Variants in GPC4 observed in about 807,000 individuals in gnomAD.
GPC4 encodes glypican 4.
In GPC4, 10 loss-of-function variants were observed where a neutral mutation model predicts 35.0. The ratio of observed to expected loss-of-function variants is 0.29; its 90% CI spans 0.18 to 0.48. GPC4 has a LOEUF of 0.48. Ranked by LOEUF, GPC4 falls within the 20% of genes least tolerant of loss-of-function variation. The pLI, the probability that GPC4 is intolerant of heterozygous loss-of-function variation, is 0.99. For synonymous variants in GPC4, 167 were observed against 170.2 expected, an observed-to-expected ratio of 0.98 and a Z score of 0.15; for missense variants, 322 against 451.3, an observed-to-expected ratio of 0.71 and a Z score of 2.60.
intron 1 of GPC4, among the ~76,000 whole-genome samples, chrX:133,398,752 A>G (rs2068755655): frequency 9.3e-6 from 1 of 107,247 alleles, no homozygotes; most frequent in Non-Finnish European, 1.9e-5. Flanking sequence ...TGGGTGACAG[A>G]CTGAGACTCT....
intron 3 of GPC4, among the ~76,000 whole-genome samples, chrX:133,315,872 G>A (rs1376333909): frequency 1.8e-5 from 2 of 111,229 alleles, no homozygotes; most frequent in Non-Finnish European, 3.8e-5. Flanking sequence ...AAGAGCAGGG[G>A]TAGGAGTTAT....
chrX:133,354,564 A>ATTT lies in GPC4; in HGVS notation c.161-15226_161-15224dup, dbSNP rs1320451355. ...GTTTTATTTATTTATTTATTTATTT[A>ATTT]TTTATTTTTTTTTTTGAGACGGAGT... On this transcript the variant is annotated intron_variant, in intron 1 of 8. Coordinates refer to ENST00000370828, the MANE Select transcript of GPC4 (RefSeq NM_001448.3). Among the ~76,000 whole-genome samples the ATTT allele has an allele frequency of 1.3e-3, 123 of 94,465 alleles. 6 individuals are homozygous for ATTT. The highest frequency in any genetic ancestry group is 5.2e-3 in the Middle Eastern group (1 of 193). The allele number at this position is 94,465 out of a possible 115,157, so 82.0% of individuals were successfully genotyped here.
chrX:133,357,766 C>T (rs2068548715), intron 1 of GPC4, among the ~76,000 whole-genome samples: 1 of 111,213 alleles, frequency 9.0e-6, no homozygotes, highest in Non-Finnish European at 1.9e-5. Flanking sequence ...AAAAGGAGGA[C>T]AAGAGCAGAA....
intron 1 of GPC4, among the ~76,000 whole-genome samples, chrX:133,403,559 T>C (rs2068774830): frequency 1.8e-5 from 2 of 111,424 alleles, no homozygotes; most frequent in African/African-American, 6.5e-5. Flanking sequence ...CAGATATGAA[T>C]AAAAATATCT....
intron 1 of GPC4, among the ~76,000 whole-genome samples, chrX:133,413,259 C>G (rs1046958194): frequency 8.9e-6 from 1 of 112,025 alleles, no homozygotes; most frequent in Non-Finnish European, 1.9e-5. Flanking sequence ...GAAGGGCAAA[C>G]AGTGTCTAAT....
intron 1 of GPC4, among the ~76,000 whole-genome samples, chrX:133,368,161 T>C (rs370904073): frequency 1.1e-3 from 119 of 112,420 alleles, no homozygotes; most frequent in African/African-American, 3.6e-3. Context: ...CTGAGATTCT[T>C]TTGAATAAAA....
intron 1 of GPC4, among the ~76,000 whole-genome samples, chrX:133,367,660 G>C (rs964860550): frequency 1.3e-4 from 15 of 111,320 alleles, no homozygotes; most frequent in African/African-American, 3.9e-4. Flanking sequence ...TTGAGCCCGG[G>C]AGTTTGAGAC....
At chrX:133,326,065 T>G (rs1191937667) in intron 2 of GPC4, among the ~76,000 whole-genome samples, 1 of 109,661 alleles carries the variant, frequency 9.1e-6, no homozygotes, top group African/African-American at 3.3e-5. Context: ...TTTTATCTAG[T>G]TCTTTTCCCT....
chrX:133,394,792 C>G (rs1414268736), intron 1 of GPC4, among the ~76,000 whole-genome samples: 1 of 111,593 alleles, frequency 9.0e-6, no homozygotes, highest in Non-Finnish European at 1.9e-5. Flanking sequence ...AAGACAACAC[C>G]ATGGACCTAA....
At chrX:133,312,983 T>C (rs775879482) in intron 3 of GPC4, among the ~76,000 whole-genome samples, 5 of 111,770 alleles carry the variant, frequency 4.5e-5, no homozygotes, top group Non-Finnish European at 9.4e-5. Context: ...AGTTCCTGTC[T>C]CCTCTTTCTC....
At chrX:133,343,581 T>C (rs1200459979) in intron 1 of GPC4, among the ~76,000 whole-genome samples, 3 of 111,855 alleles carry the variant, frequency 2.7e-5, no homozygotes, top group African/African-American at 9.8e-5. Context: ...ACATGGCCCT[T>C]GATTAGTTTT....
At chrX:133,365,489 T>C (rs914716176) in intron 1 of GPC4, among the ~76,000 whole-genome samples, 13 of 111,673 alleles carry the variant, frequency 1.2e-4, no homozygotes, top group African/African-American at 3.3e-4. Context: ...TCCATTTCCA[T>C]TGCAGTTATG....
At chrX:133,350,152 G>A (rs1256983218) in intron 1 of GPC4, among the ~76,000 whole-genome samples, 1 of 110,969 alleles carries the variant, frequency 9.0e-6, no homozygotes, top group East Asian at 2.8e-4. Flanking sequence ...TTCTCCAAAA[G>A]ATATTTCTCC....
chrX:133,396,098 A>T (rs900371411), intron 1 of GPC4, among the ~76,000 whole-genome samples: 18 of 111,960 alleles, frequency 1.6e-4, no homozygotes, highest in African/African-American at 4.5e-4. Context: ...CTTAATGATC[A>T]AAATTTTCCT....
At chrX:133,306,994 G>C (rs1233782397) in intron 4 of GPC4, among the ~76,000 whole-genome samples, 1 of 112,028 alleles carries the variant, frequency 8.9e-6, no homozygotes, top group Non-Finnish European at 1.9e-5. Flanking sequence ...GGATTATGAG[G>C]CTTAGTATTT....
intron 1 of GPC4, among the ~76,000 whole-genome samples, chrX:133,413,747 G>A (rs2068823533): frequency 8.9e-6 from 1 of 112,081 alleles, no homozygotes; most frequent in Non-Finnish European, 1.9e-5. Context: ...CGCGGCCGGC[G>A]GGGCTGCGCG....
intron 2 of GPC4, among the ~76,000 whole-genome samples, chrX:133,336,906 A>G (rs1242996656): frequency 2.7e-5 from 3 of 109,955 alleles, no homozygotes. Flanking sequence ...GCAGCCTTGA[A>G]CTCCCAGGCT....
At chrX:133,318,305 G>A (rs967382465) in intron 3 of GPC4, among the ~76,000 whole-genome samples, 3 of 111,914 alleles carry the variant, frequency 2.7e-5, no homozygotes, top group East Asian at 5.6e-4. Context: ...AATGATTTTG[G>A]GAAGTGGTAA....
At chrX:133,305,949 G>A (rs763408955) in intron 5 of GPC4, 31 bp from the exon 6 acceptor site, 3 of 1,208,446 alleles carry the variant, frequency 2.5e-6, no homozygotes, top group Non-Finnish European at 2.2e-6. Flanking sequence ...TCATGTTAGG[G>A]AAGTCACTCC....
Sources: gnomAD v4.1 joint callset for allele counts (sites outside exome capture counted in the v4.1 genomes callset) on GRCh38, gnomAD v4.1.1 for gene constraint, MANE v1.5 for transcripts, NCBI Gene and HGNC (gene_info 2026-07-23, HGNC 2026-07-21) for gene names.